The following CELA2B variants were observed in gnomAD, a reference collection of about 807,000 sequenced individuals.
CELA2B encodes chymotrypsin-like elastase family member 2B.
In CELA2B, 27 loss-of-function variants were observed where a neutral mutation model predicts 36.5. That is an observed-to-expected ratio of 0.74 (90% CI 0.55 to 1.02). The LOEUF is 1.02. Ranked by LOEUF, CELA2B falls within the 50% of genes least tolerant of loss-of-function variation. The pLI is 0.00. For synonymous variants in CELA2B, 143 were observed against 148.5 expected (o/e 0.96, Z 0.27); for missense variants, 340 against 347.8 (o/e 0.98, Z 0.18).
Position 15,483,376 on chromosome 1 carries a change from G to A in CELA2B, c.469G>A (p.Val157Ile), listed in dbSNP as rs780674401. 11 of 1,613,908 alleles carry A rather than the reference G, an allele frequency of 6.8e-6. No homozygotes were observed. Among genetic ancestry groups the A allele is most frequent in the South Asian group, 5.5e-5 (5 of 91,076 alleles). ...TCTACCCAACAACTACCCCTGCTAC[G>A]TCACGGGCTGGGGAAGGCTGCAGAG... is the stretch of plus-strand genomic sequence containing the variant. ...TILPNNYPCYVTGWGRLQTNG... is the reference protein window; with the variant it reads ...TILPNNYPCYITGWGRLQTNG... Residue 157 changes from valine to isoleucine, a missense_variant, in exon 5 of 8, where the codon GTC becomes ATC. Coordinates refer to ENST00000375910, the MANE Select transcript of CELA2B (RefSeq NM_015849.3).
chr1:15,476,125 C>A lies in CELA2B; in HGVS notation c.-1C>A. 1.9e-6 allele frequency: 3 copies of A among 1,614,078 alleles called. No individual in the cohort carries two copies. The highest frequency in any genetic ancestry group is 2.5e-6 in the Non-Finnish European group (3 of 1,180,006). ...GCTTACAGAACTCCCACGGACACACCATGATTAGGACCCTGCTGCTGTCCA... is the reference window on the plus strand; with the variant it reads ...GCTTACAGAACTCCCACGGACACACAATGATTAGGACCCTGCTGCTGTCCA... On this transcript the variant is annotated 5_prime_UTR_variant, in exon 1 of 8. Transcript: ENST00000375910.
At chr1:15,476,357 G>A in intron 1 of CELA2B, 100 bp from the exon 2 acceptor site, 1 of 1,437,644 alleles carries the variant, frequency 7.0e-7, no homozygotes, top group South Asian at 1.2e-5. Flanking sequence ...GATCCTTCTA[G>A]AACAAGGGTT....
At chr1:15,483,211 T>C (rs12129367) in intron 4 of CELA2B, 53 bp from the exon 5 acceptor site, 757,732 of 1,608,888 alleles carry the variant, frequency 0.47, 182,842 homozygotes, top group African/African-American at 0.71. Context: ...CAAAGCCCCA[T>C]AGGGCAGGAA....
chr1:15,483,448 T>C, intron 5 of CELA2B, 48 bp downstream of exon 5: 1 of 1,612,716 alleles, frequency 6.2e-7, no homozygotes, highest in Non-Finnish European at 8.5e-7. Flanking sequence ...AGGGAGGTGA[T>C]GTCACCCCTG....
Position 15,487,290 on chromosome 1 carries a change from C to T in CELA2B, c.645C>T (p.Asp215=). 6.2e-7 allele frequency: 1 copy of T among 1,614,224 alleles called. No individual in the cohort carries two copies. The highest frequency in any genetic ancestry group is 8.5e-7 in the Non-Finnish European group (1 of 1,180,034). ...ATAACTCTGGCCTTCCTCAGGGAGA[C>T]TCCGGTGGGCCGCTGAACTGTCAGG... ...GDGVICTCNG[D]SGGPLNCQAS... The change falls in exon 7 of 8, where the codon GAC becomes GAT. Residue 215 remains aspartate, a synonymous_variant. Coordinates refer to ENST00000375910, the MANE Select transcript of CELA2B (RefSeq NM_015849.3).
intron 6 of CELA2B, among the ~76,000 whole-genome samples, chr1:15,486,489 T>A (rs532633887): frequency 2.6e-5 from 4 of 152,094 alleles, no homozygotes; most frequent in Admixed American, 2.0e-4. Context: ...AAACCTGACC[T>A]TGTTCTTGTT....
chr1:15,484,103 A>C (rs1708776573), intron 5 of CELA2B, among the ~76,000 whole-genome samples: 1 of 152,164 alleles, frequency 6.6e-6, no homozygotes, highest in Non-Finnish European at 1.5e-5. Context: ...GTGTGGCCCA[A>C]GGCTAGAGTT....
At chr1:15,476,607 GC>G (rs1708674779) in intron 2 of CELA2B, 62 bp downstream of exon 2, 1 of 1,495,624 alleles carries the variant, frequency 6.7e-7, no homozygotes, top group South Asian at 1.1e-5. Flanking sequence ...TCCCCCCTTT[GC>G]CCTTCCACCA....
Position 15,479,080 on chromosome 1 carries a change from G to A in CELA2B, c.130-2018G>A, listed in dbSNP as rs181882120. 9.1e-4 allele frequency among the ~76,000 whole-genome samples: 138 copies of A among 152,304 alleles called. 1 individual carries two copies. The highest frequency in any genetic ancestry group is 3.4e-3 in the Middle Eastern group (1 of 294). ...CACAAATAATACGTATTACGTGGAC[G>A]AAATTTCCCATCTGTAGGATGGTTT... On this transcript the variant is annotated intron_variant, in intron 2 of 7. Coordinates refer to ENST00000375910, the MANE Select transcript of CELA2B (RefSeq NM_015849.3).
In CELA2B at chr1:15,476,808, C is replaced by T. The variant is rs561827717; in HGVS notation, c.129+263C>T. 3.3e-5 allele frequency among the ~76,000 whole-genome samples: 5 copies of T among 152,166 alleles called. No individual in the cohort carries two copies. The East Asian group carries it at 9.7e-4, about 29-fold the overall frequency. ...GCCCAGCCTGGCCAACATGGTGAAA[C>T]CCCGTCTCTACTAATAATAAAAAAT... On this transcript the variant is annotated intron_variant, in intron 2 of 7. Transcript: ENST00000375910.
rs1570812340 is a variant in CELA2B at position 15,487,334 on chromosome 1, A to G, written c.689A>G (p.Glu230Gly). 1 of 1,614,180 alleles carries G rather than the reference A, an allele frequency of 6.2e-7. No homozygotes were observed. The highest frequency in any genetic ancestry group is 8.5e-7 in the Non-Finnish European group (1 of 1,180,018). Residue 230 changes from glutamate to glycine, a missense_variant, in exon 7 of 8, where the codon GAG becomes GGG. By Grantham distance (98) the Glu-to-Gly change is moderately conservative. Coordinates refer to ENST00000375910, the MANE Select transcript of CELA2B (RefSeq NM_015849.3). The stretch of plus-strand genomic sequence containing the variant: ...TGTCAGGCATCTGACGGCCGGTGGG[A>G]GGTGCATGGCATCGGCAGCCTCACG... ...LNCQASDGRWEVHGIGSLTSV... is the reference protein window; with the variant it reads ...LNCQASDGRWGVHGIGSLTSV...
intron 5 of CELA2B, among the ~76,000 whole-genome samples, chr1:15,485,191 G>A (rs1053210834): frequency 6.6e-6 from 1 of 152,120 alleles, no homozygotes; most frequent in African/African-American, 2.4e-5. Context: ...TACCATGCCT[G>A]GCCGACGCTT....
intron 1 of CELA2B, 103 bp downstream of exon 1, chr1:15,476,268 T>C (rs1708668701): frequency 2.0e-6 from 3 of 1,522,786 alleles, no homozygotes; most frequent in Non-Finnish European, 2.7e-6. Flanking sequence ...CCCTACTGCA[T>C]TCAGACCTAT....
intron 5 of CELA2B, among the ~76,000 whole-genome samples, chr1:15,483,707 C>T (rs1708771307): frequency 6.6e-6 from 1 of 152,186 alleles, no homozygotes; most frequent in South Asian, 2.1e-4. Flanking sequence ...ACGAGCAGAT[C>T]ACTTGAGGTC....
chr1:15,481,217 C>T (rs1394390482), intron 3 of CELA2B, 22 bp downstream of exon 3: 84 of 1,613,904 alleles, frequency 5.2e-5, no homozygotes, highest in Non-Finnish European at 6.9e-5. Flanking sequence ...TCCCTGGGCG[C>T]TTGGCCTGCT....
intron 6 of CELA2B, among the ~76,000 whole-genome samples, chr1:15,486,338 G>A (rs899919983): frequency 6.6e-6 from 1 of 152,192 alleles, no homozygotes; most frequent in Non-Finnish European, 1.5e-5. Context: ...AATTAGCCAG[G>A]CATGGTGGTG....
chr1:15,491,239 C>A, intron 7 of CELA2B, 56 bp from the exon 8 acceptor site: 3 of 1,611,784 alleles, frequency 1.9e-6, no homozygotes, highest in African/African-American at 1.3e-5. Flanking sequence ...GAAACTGCCA[C>A]GCACAGCTCT....
Position 15,486,056 on chromosome 1 carries a change from A to G in CELA2B, c.639+10A>G. 6.2e-7 allele frequency: 1 copy of G among 1,609,908 alleles called. No homozygotes were observed. Among genetic ancestry groups the G allele is most frequent in the Non-Finnish European group, 8.5e-7 (1 of 1,176,784 alleles). ...GATATGCACCTGCAACGTGAGTACC[A>G]AAAATCAGGGGCCCCGCTCCATGAC... is the stretch of plus-strand genomic sequence containing the variant. On this transcript the variant is annotated intron_variant, in intron 6 of 7. Coordinates refer to ENST00000375910, the MANE Select transcript of CELA2B (RefSeq NM_015849.3).
chr1:15,476,684 C>A, intron 2 of CELA2B, 139 bp downstream of exon 2: 1 of 798,754 alleles, frequency 1.3e-6, no homozygotes, highest in Non-Finnish European at 2.1e-6. Flanking sequence ...GAAACTTCAC[C>A]AACAAGATAC....
Sources: allele counts gnomAD v4.1 joint callset (sites outside exome capture counted in the v4.1 genomes callset), GRCh38; gene constraint gnomAD v4.1.1; transcripts MANE v1.5; gene names NCBI Gene and HGNC (gene_info 2026-07-23, HGNC 2026-07-21).